NRXN3: variants seen among roughly 807,000 people sequenced by gnomAD.
NRXN3 encodes neurexin 3, also known as neurexin III.
A neutral mutation model predicts 137.6 loss-of-function variants in NRXN3; 32 were observed. The observed-to-expected ratio is 0.23, with a 90% confidence interval of 0.18 to 0.31. NRXN3 has a LOEUF of 0.31. Among genes scored for constraint, NRXN3 ranks in the 10% least tolerant of loss-of-function variants. The probability of loss-of-function intolerance (pLI) is 1.00; values close to 1 mark genes in which losing one functional copy is unlikely to be tolerated. For missense variants in NRXN3, 1,574 were observed against 2,062.5 expected, an observed-to-expected ratio of 0.76 and a Z score of 4.59; for synonymous variants, 798 against 784.5, an observed-to-expected ratio of 1.02 and a Z score of -0.29.
At chr14:79,588,274 CA>C (rs1314124421) in intron 16 of NRXN3, among the ~76,000 whole-genome samples, 1 of 152,130 alleles carries the variant, frequency 6.6e-6, no homozygotes, top group African/African-American at 2.4e-5. Flanking sequence ...CTTCGTAGAT[CA>C]AAATATTGTT....
chr14:78,235,997 G>A (rs1462364057), intron 1 of NRXN3, among the ~76,000 whole-genome samples: 1 of 152,190 alleles, frequency 6.6e-6, no homozygotes. Flanking sequence ...GGAACTGTAA[G>A]AAGGAAGTTC....
intron 8 of NRXN3, chr14:78,753,991 T>C (rs935127525): frequency 1.3e-5 from 2 of 152,160 alleles, no homozygotes; most frequent in Non-Finnish European, 2.9e-5. Flanking sequence ...CATTCAGCAA[T>C]TCATGAATCA....
intron 4 of NRXN3, among the ~76,000 whole-genome samples, chr14:78,344,072 G>T (rs958899170): frequency 1.3e-5 from 2 of 152,198 alleles, no homozygotes; most frequent in African/African-American, 4.8e-5. Flanking sequence ...CTTTCTTGAT[G>T]ATTCCACTAG....
intron 16 of NRXN3, among the ~76,000 whole-genome samples, chr14:79,591,035 A>G (rs11849657): frequency 0.29 from 44,199 of 151,968 alleles, 7,270 homozygotes; most frequent in African/African-American, 0.44. Flanking sequence ...AAACAGATAC[A>G]GTGGGAGCTC....
At chr14:79,719,166 G>A (rs967146170) in intron 19 of NRXN3, among the ~76,000 whole-genome samples, 2 of 151,634 alleles carry the variant, frequency 1.3e-5, no homozygotes, top group Non-Finnish European at 2.9e-5. Context: ...CTCTTCACTC[G>A]GGTCTCTTCC....
At chr14:79,455,794 AT>A (rs2096249863) in intron 15 of NRXN3, among the ~76,000 whole-genome samples, 1 of 151,546 alleles carries the variant, frequency 6.6e-6, no homozygotes, top group Admixed American at 6.6e-5. Context: ...TTTCTTTGAC[AT>A]TTTAAAGAGC....
intron 10 of NRXN3, among the ~76,000 whole-genome samples, chr14:78,890,876 A>G (rs543276220): frequency 6.6e-6 from 1 of 152,062 alleles, no homozygotes; most frequent in South Asian, 2.1e-4. Context: ...GAGTGGTGTT[A>G]GCAATCATTC....
intron 10 of NRXN3, among the ~76,000 whole-genome samples, chr14:78,814,472 G>C (rs943461081): frequency 6.6e-6 from 1 of 152,072 alleles, no homozygotes; most frequent in African/African-American, 2.4e-5. Flanking sequence ...AAAATTAGCC[G>C]GGTGTGGTGG....
intron 4 of NRXN3, among the ~76,000 whole-genome samples, chr14:78,633,251 C>CAAAAAAAAAAAAAAAAAAAAA (rs779442429): frequency 2.9e-5 from 2 of 68,050 alleles, no homozygotes; most frequent in East Asian, 4.5e-4. Flanking sequence ...GAGACTCTGT[C>CAAAAAAAAAAAAAAAAAAAAA]AAAAAAAAAA....
chr14:79,037,697 T>A (rs1435614675), intron 15 of NRXN3, among the ~76,000 whole-genome samples: 2 of 152,112 alleles, frequency 1.3e-5, no homozygotes, highest in Non-Finnish European at 2.9e-5. Context: ...TCATTTTAAG[T>A]TGACTTTCTT....
intron 4 of NRXN3, among the ~76,000 whole-genome samples, chr14:78,601,451 C>T (rs2097200832): frequency 6.7e-6 from 1 of 148,476 alleles, no homozygotes; most frequent in Admixed American, 6.6e-5. Context: ...CTGAAAAGTA[C>T]TGATTCTTTT....
chr14:79,295,294 C>T lies in NRXN3; in HGVS notation c.3263-171927C>T, dbSNP rs187480277. ...CGTATGGCCACTCCTTCTTCTTATACGTCAGGCTTCAACTTCAATGTTATC... is the reference window on the plus strand; with the variant it reads ...CGTATGGCCACTCCTTCTTCTTATATGTCAGGCTTCAACTTCAATGTTATC... On this transcript the variant is annotated intron_variant, in intron 15 of 20. Coordinates refer to ENST00000335750, the MANE Select transcript of NRXN3 (RefSeq NM_001330195.2). Among the ~76,000 whole-genome samples, 289 of 152,142 alleles carry T rather than the reference C, an allele frequency of 1.9e-3. 1 individual carries two copies. Among genetic ancestry groups the T allele is most frequent in the African/African-American group, 6.4e-3 (267 of 41,510 alleles).
intron 6 of NRXN3, among the ~76,000 whole-genome samples, chr14:78,652,414 C>T (rs1455366686): frequency 6.6e-6 from 1 of 152,188 alleles, no homozygotes; most frequent in African/African-American, 2.4e-5. Context: ...CAAAAAGAAT[C>T]AGACTAAATT....
intron 1 of NRXN3, among the ~76,000 whole-genome samples, chr14:78,206,020 A>G (rs1037000187): frequency 6.6e-6 from 1 of 152,194 alleles, no homozygotes; most frequent in Admixed American, 6.5e-5. Context: ...TGTGGGTGCC[A>G]TTTGATGAGG....
intron 16 of NRXN3, among the ~76,000 whole-genome samples, chr14:79,603,145 T>G (rs910351636): frequency 1.4e-4 from 21 of 152,240 alleles, no homozygotes; most frequent in African/African-American, 4.8e-4. Context: ...ACTGCCTCCT[T>G]TCCAATTTAT....
At chr14:79,610,225 C>G (rs1336578900) in intron 16 of NRXN3, among the ~76,000 whole-genome samples, 3 of 151,634 alleles carry the variant, frequency 2.0e-5, no homozygotes, top group African/African-American at 7.3e-5. Context: ...AAAGAAAAAA[C>G]AAAGCAGACA....
rs139727006 is a variant in NRXN3 at position 79,529,052 on chromosome 14, G to A, written c.3444+61650G>A. ...TTCTCCCGCTGTAGCAGGACGAGCC[G>A]CAGACGAAACCTCTCAGACACCAAA... On this transcript the variant is annotated intron_variant, in intron 16 of 20. Transcript: ENST00000335750. Among the ~76,000 whole-genome samples, 140 of 152,222 alleles carry A rather than the reference G, an allele frequency of 9.2e-4. 3 individuals carry two copies. In the East Asian group the frequency reaches 0.013, roughly 14 times the overall value.
At chr14:79,562,878 C>T (rs933694392) in intron 16 of NRXN3, among the ~76,000 whole-genome samples, 14 of 152,146 alleles carry the variant, frequency 9.2e-5, no homozygotes, top group Admixed American at 8.5e-4. Flanking sequence ...TTTTGACAGA[C>T]AGTCATAATC....
chr14:78,721,615 A>T (rs1443415520), intron 8 of NRXN3, among the ~76,000 whole-genome samples: 1 of 152,192 alleles, frequency 6.6e-6, no homozygotes, highest in Non-Finnish European at 1.5e-5. Context: ...TCCCTGATTC[A>T]TTCATCCAAG....
Sources: gnomAD v4.1 joint callset for allele counts (sites outside exome capture counted in the v4.1 genomes callset) on GRCh38, gnomAD v4.1.1 for gene constraint, MANE v1.5 for transcripts, NCBI Gene and HGNC (gene_info 2026-07-23, HGNC 2026-07-21) for gene names.